The following SPATA6 variants were observed in gnomAD, a reference collection of about 807,000 sequenced individuals.
SPATA6 encodes the protein spermatogenesis-associated protein 6.
Under a neutral mutation model 65.3 loss-of-function variants are expected in SPATA6, and 56 were observed. The ratio of observed to expected loss-of-function variants is 0.86; its 90% CI spans 0.69 to 1.07. The LOEUF (loss-of-function observed/expected upper bound fraction) is 1.07, where lower values mean the gene tolerates loss of function less well. Ranked by LOEUF, SPATA6 falls within the 50% of genes least tolerant of loss-of-function variation. The pLI is 0.00. For missense variants in SPATA6, 590 were observed against 594.8 expected (o/e 0.99, Z 0.08); for synonymous variants, 199 against 213.2 (o/e 0.93, Z 0.58).
chr1:48,334,244 AATT>A (rs1645997251), intron 11 of SPATA6, among the ~76,000 whole-genome samples: 1 of 151,942 alleles, frequency 6.6e-6, no homozygotes, highest in Non-Finnish European at 1.5e-5. Flanking sequence ...TATTCCCCAA[AATT>A]GAGGAGGAGC....
At chr1:48,287,711 T>G in the SPATA6 span, among the ~76,000 whole-genome samples, 4 of 152,238 alleles carry the variant, frequency 2.6e-5, no homozygotes, top group Non-Finnish European at 5.9e-5. Context: ...TAGAAGATGC[T>G]GAAGCCATGC....
At chr1:48,348,085 T>A (rs1646419327) in intron 11 of SPATA6, among the ~76,000 whole-genome samples, 1 of 152,028 alleles carries the variant, frequency 6.6e-6, no homozygotes, top group Non-Finnish European at 1.5e-5. Context: ...CAACTCCTGC[T>A]TTTCTCAGTG....
intron 9 of SPATA6, among the ~76,000 whole-genome samples, chr1:48,380,822 C>T (rs1030776757): frequency 1.3e-5 from 2 of 152,140 alleles, no homozygotes; most frequent in African/African-American, 2.4e-5. Flanking sequence ...TTCCAGGCCT[C>T]CTCTCCTCTA....
At chr1:48,289,210 C>T in the SPATA6 span, among the ~76,000 whole-genome samples, 23 of 152,308 alleles carry the variant, frequency 1.5e-4, no homozygotes, top group East Asian at 3.3e-3. Context: ...CTGCAGCCTC[C>T]GCTGGTGATA....
intron 3 of SPATA6, among the ~76,000 whole-genome samples, chr1:48,427,188 A>G (rs1169883741): frequency 2.0e-5 from 3 of 152,166 alleles, no homozygotes; most frequent in African/African-American, 4.8e-5. Flanking sequence ...TACGCTTCCC[A>G]AAGTGCTGGG....
chr1:48,395,634 C>T lies in SPATA6; in HGVS notation c.781-280G>A, dbSNP rs568498258. Among the ~76,000 whole-genome samples the T allele has an allele frequency of 2.6e-5, 4 of 151,884 alleles. No individual in the cohort carries two copies. In the East Asian group the frequency reaches 5.8e-4, roughly 22 times the overall value. On this transcript the variant is annotated intron_variant, in intron 7 of 12. Transcript: ENST00000371847. ...AATTGAAATGTTTATTACTCCAGTG[C>T]CTAGTTTGCTTTCCATCACAAGGTT...
chr1:48,392,514 A>G (rs1650173323), intron 8 of SPATA6, among the ~76,000 whole-genome samples: 1 of 152,122 alleles, frequency 6.6e-6, no homozygotes, highest in Non-Finnish European at 1.5e-5. Flanking sequence ...ATTTTAAAAA[A>G]TATACCTTAA....
chr1:48,439,017 A>C (rs747873702), intron 3 of SPATA6, among the ~76,000 whole-genome samples: 1 of 152,176 alleles, frequency 6.6e-6, no homozygotes, highest in Non-Finnish European at 1.5e-5. Context: ...AATGAGGACA[A>C]AAGGCATCAC....
chr1:48,322,074 A>C (rs992853813), intron 11 of SPATA6, among the ~76,000 whole-genome samples: 5 of 151,980 alleles, frequency 3.3e-5, no homozygotes, highest in Non-Finnish European at 4.4e-5. Context: ...AGTAGGTGGG[A>C]AAAAAAAGAC....
At chr1:48,366,158 T>C (rs1570320440) in intron 9 of SPATA6, among the ~76,000 whole-genome samples, 1 of 152,184 alleles carries the variant, frequency 6.6e-6, no homozygotes, top group East Asian at 1.9e-4. Flanking sequence ...TTGATCATGG[T>C]GGATAAGCTT....
the SPATA6 span, among the ~76,000 whole-genome samples, chr1:48,263,579 T>A: frequency 6.6e-6 from 1 of 152,130 alleles, no homozygotes; most frequent in Non-Finnish European, 1.5e-5. Flanking sequence ...ACAGTAATTT[T>A]CTCCTTTCCT....
chr1:48,461,842 G>A (rs991786821), intron 1 of SPATA6, among the ~76,000 whole-genome samples: 2 of 152,098 alleles, frequency 1.3e-5, no homozygotes, highest in African/African-American at 4.8e-5. Flanking sequence ...TCCCATTACT[G>A]GGTATATACC....
At chr1:48,386,723 G>A (rs1279667796) in intron 8 of SPATA6, among the ~76,000 whole-genome samples, 1 of 152,194 alleles carries the variant, frequency 6.6e-6, no homozygotes, top group African/African-American at 2.4e-5. Context: ...ACCCTCGTGA[G>A]CCCTGAAACT....
At chr1:48,328,603 G>T (rs1481798031) in intron 11 of SPATA6, among the ~76,000 whole-genome samples, 1 of 152,094 alleles carries the variant, frequency 6.6e-6, no homozygotes, top group African/African-American at 2.4e-5. Flanking sequence ...GAGGAGAAAT[G>T]AGGAGGGGGA....
At chr1:48,382,020 G>T (rs1648690475) in intron 9 of SPATA6, among the ~76,000 whole-genome samples, 1 of 90,134 alleles carries the variant, frequency 1.1e-5, no homozygotes. Flanking sequence ...ACAGGGTTGG[G>T]GATAAGGTCA....
chr1:48,352,903 C>CAAAAAAA (rs35929341), intron 11 of SPATA6, among the ~76,000 whole-genome samples: 1 of 133,334 alleles, frequency 7.5e-6, no homozygotes, highest in Admixed American at 7.6e-5. Flanking sequence ...CTTTTAAATA[C>CAAAAAAA]AAAAAAAAAA....
intron 11 of SPATA6, among the ~76,000 whole-genome samples, chr1:48,349,530 GT>G (rs1175349540): frequency 6.6e-6 from 1 of 151,774 alleles, no homozygotes; most frequent in African/African-American, 2.4e-5. Context: ...ATATAGTAAA[GT>G]TAACTCTGAT....
In SPATA6 at chr1:48,313,213, G is replaced by A. The variant is rs1047697118; in HGVS notation, c.1195-7335C>T. ...AGAGAATGCCACAAAGATACTCCTCGAGAAGAGCAACTCCAAGACACATAA... is the reference window on the plus strand; with the variant it reads ...AGAGAATGCCACAAAGATACTCCTCAAGAAGAGCAACTCCAAGACACATAA... On this transcript the variant is annotated intron_variant, in intron 11 of 12. Coordinates refer to ENST00000371847, the MANE Select transcript of SPATA6 (RefSeq NM_019073.4). 6.6e-5 allele frequency among the ~76,000 whole-genome samples: 10 copies of A among 152,062 alleles called. No homozygotes were observed. In the East Asian group the frequency reaches 7.7e-4, roughly 12 times the overall value.
chr1:48,302,776 G>A (rs12140587), intron 12 of SPATA6, among the ~76,000 whole-genome samples: 48,229 of 151,900 alleles, frequency 0.32, 9,125 homozygotes, highest in Middle Eastern at 0.44. Context: ...CCAGGAATAA[G>A]TAGAACTTTA....
Sources: allele counts gnomAD v4.1 joint callset (sites outside exome capture counted in the v4.1 genomes callset), GRCh38; gene constraint gnomAD v4.1.1; transcripts MANE v1.5; gene names NCBI Gene and HGNC (gene_info 2026-07-23, HGNC 2026-07-21).